SCAI: variants seen among roughly 807,000 people sequenced by gnomAD.
The protein encoded by SCAI is protein SCAI.
Under a neutral mutation model 92.2 loss-of-function variants are expected in SCAI, and 24 were observed. That is an observed-to-expected ratio of 0.26 (90% CI 0.19 to 0.37). SCAI has a LOEUF of 0.37. Among genes scored for constraint, SCAI ranks in the 10% least tolerant of loss-of-function variants. The pLI is 1.00. For synonymous variants in SCAI, 261 were observed against 258.6 expected, an observed-to-expected ratio of 1.01 and a Z score of -0.09; for missense variants, 450 against 736.2, an observed-to-expected ratio of 0.61 and a Z score of 4.50.
At chr9:125,076,502 C>CA (rs35972975) in intron 2 of SCAI, among the ~76,000 whole-genome samples, 3 of 150,820 alleles carry the variant, frequency 2.0e-5, no homozygotes, top group South Asian at 2.1e-4. Flanking sequence ...GAAGCCATCT[C>CA]AAAAAAACAA....
intron 17 of SCAI, among the ~76,000 whole-genome samples, chr9:124,961,128 T>TAA (rs11382746): frequency 3.7e-4 from 44 of 119,876 alleles, no homozygotes; most frequent in Admixed American, 1.3e-3. Flanking sequence ...TGTCTCAAAT[T>TAA]AAAAAAAAAA....
At chr9:124,988,755 G>A (rs550737351) in intron 14 of SCAI, among the ~76,000 whole-genome samples, 1 of 152,310 alleles carries the variant, frequency 6.6e-6, no homozygotes, top group South Asian at 2.1e-4. Context: ...AGAAAATGCA[G>A]AGAGAAAAAT....
rs546489590 is a variant in SCAI at position 124,987,829 on chromosome 9, G to A, written c.1326+7105C>T. On this transcript the variant is annotated intron_variant, in intron 14 of 17. Transcript: ENST00000336505. ...AATACAAAAATTAGCCGGGTGTGGT[G>A]GCACACACCTGTAGTCCCAGCTACT... Among the ~76,000 whole-genome samples the A allele has an allele frequency of 4.9e-4, 74 of 152,024 alleles. 1 individual carries two copies. Among genetic ancestry groups the A allele is most frequent in the Non-Finnish European group, 6.9e-4 (47 of 68,002 alleles).
In SCAI at chr9:125,063,424, C is replaced by T. The variant is rs1016209782; in HGVS notation, c.99-7417G>A. Among the ~76,000 whole-genome samples the T allele has an allele frequency of 2.0e-5, 3 of 146,600 alleles. No homozygotes were observed. In the South Asian group the frequency reaches 6.6e-4, roughly 32 times the overall value. ...AAGAATGAATATAGAAAAGACAGGACAAATGGAAGGCAAAGAGTGTAACAG... is the reference window on the plus strand; with the variant it reads ...AAGAATGAATATAGAAAAGACAGGATAAATGGAAGGCAAAGAGTGTAACAG... On this transcript the variant is annotated intron_variant, in intron 2 of 17. Transcript: ENST00000336505.
chr9:125,105,688 C>T (rs960783518), intron 2 of SCAI, among the ~76,000 whole-genome samples: 3 of 152,150 alleles, frequency 2.0e-5, no homozygotes, highest in South Asian at 4.1e-4. Flanking sequence ...TGTATTTCCA[C>T]GTTTGGCATA....
intron 3 of SCAI, among the ~76,000 whole-genome samples, chr9:125,034,013 A>C (rs1833138920): frequency 6.6e-6 from 1 of 152,196 alleles, no homozygotes; most frequent in South Asian, 2.1e-4. Flanking sequence ...CACTGGGAAG[A>C]GTTTGACAAA....
intron 2 of SCAI, among the ~76,000 whole-genome samples, chr9:125,127,297 T>A (rs1051712594): frequency 2.0e-5 from 3 of 152,200 alleles, no homozygotes; most frequent in Non-Finnish European, 4.4e-5. Flanking sequence ...CAAAAGCCTA[T>A]TAGAGTCTCA....
chr9:124,952,530 CTATT>C lies in SCAI; in HGVS notation c.*273_*276del. 1 of 293,776 alleles carries C rather than the reference CTATT, an allele frequency of 3.4e-6. No homozygotes were observed. Among genetic ancestry groups the C allele is most frequent in the Non-Finnish European group, 6.3e-6 (1 of 158,990 alleles). 18.2% of individuals were successfully genotyped at this position (293,776 alleles called of 1,614,324 possible). On this transcript the variant is annotated 3_prime_UTR_variant, in exon 18 of 18. Coordinates refer to ENST00000336505, the MANE Select transcript of SCAI (RefSeq NM_001144877.3). ...ACTCTTCTCAGGGTGAGAATAGTGA[CTATT>C]TGAGTGTAGGATTAGAAGTTGGAGG... is the stretch of plus-strand genomic sequence containing the variant.
intron 14 of SCAI, among the ~76,000 whole-genome samples, chr9:124,991,351 CAAAAAAAA>C (rs34976572): frequency 3.0e-4 from 12 of 40,228 alleles, no homozygotes; most frequent in South Asian, 1.3e-3. Flanking sequence ...AACTCCGTCT[CAAAAAAAA>C]AAAAAAAAAA....
intron 2 of SCAI, among the ~76,000 whole-genome samples, chr9:125,133,111 C>G (rs766866881): frequency 1.3e-5 from 2 of 152,092 alleles, no homozygotes; most frequent in Non-Finnish European, 2.9e-5. Flanking sequence ...AATTTGTGGC[C>G]AGGCACAGTG....
Position 125,078,262 on chromosome 9 carries a change from C to T in SCAI, c.99-22255G>A, listed in dbSNP as rs141158819. Among the ~76,000 whole-genome samples, 322 of 152,206 alleles carry T rather than the reference C, an allele frequency of 2.1e-3. 3 individuals carry two copies. The highest frequency in any genetic ancestry group is 0.017 in the Middle Eastern group (5 of 294). ...CAACATTAGGCTGGGCGTGTTGGCT[C>T]ACATCTGTAATCCCAGCACTTTGGA... On this transcript the variant is annotated intron_variant, in intron 2 of 17. Coordinates refer to ENST00000336505, the MANE Select transcript of SCAI (RefSeq NM_001144877.3).
intron 2 of SCAI, among the ~76,000 whole-genome samples, chr9:125,064,417 A>G: frequency 6.6e-6 from 1 of 152,262 alleles, no homozygotes; most frequent in Middle Eastern, 3.4e-3. Flanking sequence ...ACTCCATCTC[A>G]AATAAATAAG....
chr9:125,140,309 C>T (rs1316037952), intron 2 of SCAI, among the ~76,000 whole-genome samples: 1 of 152,138 alleles, frequency 6.6e-6, no homozygotes, highest in Non-Finnish European at 1.5e-5. Flanking sequence ...AGACAGAGCA[C>T]TTGAGGCCAG....
In SCAI at chr9:125,140,812, T is replaced by C. The variant is rs372575851; in HGVS notation, c.98+1821A>G. The stretch of plus-strand genomic sequence containing the variant: ...AGGTGGAGGTTGCAGTATGCTGAGA[T>C]TGCACCACTGCACTACAGCCTGGAT... On this transcript the variant is annotated intron_variant, in intron 2 of 17. Transcript: ENST00000336505. 9.2e-5 allele frequency among the ~76,000 whole-genome samples: 14 copies of C among 151,680 alleles called. No individual in the cohort carries two copies. The South Asian group carries it at 2.5e-3, about 27-fold the overall frequency.
intron 14 of SCAI, among the ~76,000 whole-genome samples, chr9:124,990,933 G>A (rs1832105828): frequency 6.6e-6 from 1 of 152,170 alleles, no homozygotes; most frequent in Admixed American, 6.5e-5. Flanking sequence ...CAGGTGAAGT[G>A]ATCAGAATCA....
intron 2 of SCAI, among the ~76,000 whole-genome samples, chr9:125,108,928 G>A (rs193244431): frequency 1.3e-5 from 2 of 152,360 alleles, no homozygotes; most frequent in East Asian, 3.9e-4. Context: ...AGGGGGAAAT[G>A]TGGGGAAAAG....
chr9:125,041,958 C>A (rs1385035246), intron 3 of SCAI, among the ~76,000 whole-genome samples: 2 of 152,018 alleles, frequency 1.3e-5, no homozygotes, highest in Admixed American at 6.6e-5. Flanking sequence ...CTAAAATTAA[C>A]TAAGGTACTC....
At chr9:125,100,958 T>C (rs1175208675) in intron 2 of SCAI, among the ~76,000 whole-genome samples, 1 of 152,130 alleles carries the variant, frequency 6.6e-6, no homozygotes, top group Non-Finnish European at 1.5e-5. Flanking sequence ...GGCACGGTGA[T>C]GCATGCCTAC....
intron 17 of SCAI, among the ~76,000 whole-genome samples, chr9:124,965,078 G>A (rs535501434): frequency 3.3e-4 from 50 of 151,026 alleles, no homozygotes; most frequent in Non-Finnish European, 6.0e-4. Context: ...GCTGCTTCTC[G>A]TGTTATCTTA....
Sources: gnomAD v4.1 joint callset for allele counts (sites outside exome capture counted in the v4.1 genomes callset) on GRCh38, gnomAD v4.1.1 for gene constraint, MANE v1.5 for transcripts, NCBI Gene and HGNC (gene_info 2026-07-23, HGNC 2026-07-21) for gene names.